Variants in MAGEA8 observed in about 807,000 individuals in gnomAD.
MAGEA8 encodes the protein MAGE family member A8, also known as melanoma-associated antigen 8.
For missense variants in MAGEA8, 229 were observed against 251.1 expected, an observed-to-expected ratio of 0.91 and a Z score of 0.59; for synonymous variants, 104 against 102.6, an observed-to-expected ratio of 1.01 and a Z score of -0.08.
At chrX:149,882,308 G>A (rs782022180) in intron 1 of MAGEA8, among the ~76,000 whole-genome samples, 6 of 111,483 alleles carry the variant, frequency 5.4e-5, no homozygotes, top group East Asian at 2.8e-4. Context: ...ATGCCTTGTC[G>A]TGGAGTAAAT....
Position 149,884,064 on chromosome X carries a change from C to T in MAGEA8, c.-125-9C>T, listed in dbSNP as rs1420194682. 2.5e-6 allele frequency: 1 copy of T among 396,917 alleles called. No individual in the cohort carries two copies. Among genetic ancestry groups the T allele is most frequent in the African/African-American group, 2.5e-5 (1 of 40,259 alleles). 32.7% of individuals were successfully genotyped at this position (396,917 alleles called of 1,213,427 possible). On this transcript the variant is annotated splice_polypyrimidine_tract_variant and intron_variant, in intron 1 of 2. Coordinates refer to ENST00000286482, the MANE Select transcript of MAGEA8 (RefSeq NM_005364.5). ...GCACCCTGAGATGCCCTCTCAATTT[C>T]TCCTTCAGGTTCGCAGAGAACAGGC...
rs890927461 is a variant in MAGEA8 at position 149,884,727 on chromosome X, A to G, written c.455A>G (p.Asp152Gly). Reference sequence around the variant, plus strand: ...AAAAATTACAAGAACCACTTTCCTGATATCTTCAGCAAAGCCTCTGAGTGC... The same window carrying G: ...AAAAATTACAAGAACCACTTTCCTGGTATCTTCAGCAAAGCCTCTGAGTGC... ...VIKNYKNHFP[D>G]IFSKASECMQ... The change falls in exon 3 of 3, where the codon GAT (aspartate) becomes GGT (glycine). Residue 152 changes from aspartate (D) to glycine (G), a missense_variant. Physicochemically the swap from Asp to Gly is moderately conservative, Grantham distance 94. Coordinates refer to ENST00000286482, the MANE Select transcript of MAGEA8 (RefSeq NM_005364.5). 2 of 1,211,570 alleles carry G rather than the reference A, an allele frequency of 1.7e-6. No homozygotes were observed. The highest frequency in any genetic ancestry group is 2.2e-6 in the Non-Finnish European group (2 of 895,235).
chrX:149,882,127 G>C (rs1465844007), intron 1 of MAGEA8, among the ~76,000 whole-genome samples: 1 of 110,586 alleles, frequency 9.0e-6, no homozygotes. Context: ...GGAGGACTCA[G>C]CAGACCTCCC....
In MAGEA8 at chrX:149,885,035, CAGG is replaced by C; in HGVS notation, c.766_768del (p.Glu256del). 1 of 1,209,684 alleles carries C rather than the reference CAGG, an allele frequency of 8.3e-7. No homozygotes were observed. Among genetic ancestry groups the C allele is most frequent in the African/African-American group, 1.7e-5 (1 of 57,861 alleles). Reference sequence around the variant, plus strand: ...GAAGCTGCTCACCCAAGAGTGGGTGCAGGAGAACTACCTGGAGTACCGCCAGGC... The same window carrying C: ...GAAGCTGCTCACCCAAGAGTGGGTGCAGAACTACCTGGAGTACCGCCAGGC... On this transcript the variant is annotated inframe_deletion, in exon 3 of 3. Coordinates refer to ENST00000286482, the MANE Select transcript of MAGEA8 (RefSeq NM_005364.5).
chrX:149,884,990 A>G lies in MAGEA8; in HGVS notation c.718A>G (p.Ser240Gly). The change falls in exon 3 of 3, where the codon AGT (serine) becomes GGT (glycine). Residue 240 changes from serine to glycine, a missense_variant. Ser to Gly is a moderately conservative substitution (Grantham distance 56). Transcript: ENST00000286482. ...GGGGCTGTATGATGGGAGGGAGCACAGTGTCTATTGGAAGCTCAGGAAGCT... is the reference window on the plus strand; with the variant it reads ...GGGGCTGTATGATGGGAGGGAGCACGGTGTCTATTGGAAGCTCAGGAAGCT... ...VMGLYDGREHSVYWKLRKLLT... is the reference protein window; with the variant it reads ...VMGLYDGREHGVYWKLRKLLT... The G allele has an allele frequency of 8.3e-7, 1 of 1,208,929 alleles. No individual in the cohort carries two copies. The highest frequency in any genetic ancestry group is 2.3e-4 in the Middle Eastern group (1 of 4,339).
rs2090758277 is a variant in MAGEA8, at chrX:149,885,650, G to T, written c.*421G>T. 4.1e-6 allele frequency: 1 copy of T among 246,461 alleles called. No homozygotes were observed. The highest frequency in any genetic ancestry group is 2.6e-4 in the South Asian group (1 of 3,791). 20.3% of individuals were successfully genotyped at this position (246,461 alleles called of 1,213,427 possible). A position where few individuals can be genotyped will look rare whatever the true frequency, so the allele number is the denominator to read the frequency against. On this transcript the variant is annotated 3_prime_UTR_variant, in exon 3 of 3. Coordinates refer to ENST00000286482, the MANE Select transcript of MAGEA8 (RefSeq NM_005364.5). ...GAATTCAGACACTACAAGAGCAGAG[G>T]ATTAAGGTTTTTTTAGAAATGTGAA... is the stretch of plus-strand genomic sequence containing the variant.
At chrX:149,881,906 G>A (rs1351684536) in intron 1 of MAGEA8, among the ~76,000 whole-genome samples, 1 of 110,070 alleles carries the variant, frequency 9.1e-6, no homozygotes, top group Non-Finnish European at 1.9e-5. Context: ...GTGGTGAACA[G>A]CCCTGCCAGG....
chrX:149,882,981 G>A (rs2090739690), intron 1 of MAGEA8: 1 of 111,588 alleles, frequency 9.0e-6, no homozygotes, highest in Non-Finnish European at 1.9e-5. Context: ...ACCCCCATGT[G>A]GGCAACAGAC....
At position 149,882,018 on chromosome X, in the gene MAGEA8, C is replaced by T. The variant is rs782537104; in HGVS notation, c.-126+733C>T. Among the ~76,000 whole-genome samples, 8 of 111,013 alleles carry T rather than the reference C, an allele frequency of 7.2e-5. No individual in the cohort carries two copies. In the South Asian group the frequency reaches 1.9e-3, roughly 27 times the overall value. On this transcript the variant is annotated intron_variant, in intron 1 of 2. Transcript: ENST00000286482. Reference sequence around the variant, plus strand: ...TCCCAGGATCTGTGGCTGCATGTGGCGCATCCTTGCTGCATTTTCAGGGTG... The same window carrying T: ...TCCCAGGATCTGTGGCTGCATGTGGTGCATCCTTGCTGCATTTTCAGGGTG...
chrX:149,882,212 C>A (rs1293545376), intron 1 of MAGEA8, among the ~76,000 whole-genome samples: 3 of 110,689 alleles, frequency 2.7e-5, no homozygotes, highest in African/African-American at 9.9e-5. Context: ...GGGATGTGGC[C>A]CCCCCACTTT....
At position 149,883,504 on chromosome X, in the gene MAGEA8, G is replaced by T. The variant is rs370918106; in HGVS notation, c.-125-569G>T. Reference sequence around the variant, plus strand: ...TTCTCACCCTAGGACAGGACACGTGGGCCCCATTGCATTTTGTGTAGCTAT... The same window carrying T: ...TTCTCACCCTAGGACAGGACACGTGTGCCCCATTGCATTTTGTGTAGCTAT... On this transcript the variant is annotated intron_variant, in intron 1 of 2. Transcript: ENST00000286482. Among the ~76,000 whole-genome samples, 164 of 112,076 alleles carry T rather than the reference G, an allele frequency of 1.5e-3. 1 individual carries two copies. Among genetic ancestry groups the T allele is most frequent in the African/African-American group, 5.0e-3 (153 of 30,901 alleles).
intron 1 of MAGEA8, among the ~76,000 whole-genome samples, chrX:149,882,312 A>G (rs2090736207): frequency 9.0e-6 from 1 of 111,461 alleles, no homozygotes; most frequent in Non-Finnish European, 1.9e-5. Context: ...CTTGTCGTGG[A>G]GTAAATATGA....
rs782174025 is a variant in MAGEA8, at chrX:149,882,346, A to G, written c.-126+1061A>G. Among the ~76,000 whole-genome samples, 15 of 111,639 alleles carry G rather than the reference A, an allele frequency of 1.3e-4. No homozygotes were observed. The South Asian group carries it at 5.3e-3, about 40-fold the overall frequency. On this transcript the variant is annotated intron_variant, in intron 1 of 2. Transcript: ENST00000286482. ...GAATACCTGGATGACACCCAGACAG[A>G]GAAAGACCCCATGAAACCTACTACT... is the stretch of plus-strand genomic sequence containing the variant.
At position 149,884,893 on chromosome X, in the gene MAGEA8, C is replaced by T. The variant is rs2090753099; in HGVS notation, c.621C>T (p.Ile207=). The part of the protein sequence containing the change: ...QSTPKTGLLI[I]VLGMILMEGS... ...CGCCCAAGACCGGCCTCCTGATAAT[C>T]GTCCTGGGCATGATCTTAATGGAGG... Residue 207 remains isoleucine, a synonymous_variant, in exon 3 of 3, where the codon ATC becomes ATT. Transcript: ENST00000286482. The T allele has an allele frequency of 1.7e-6, 2 of 1,209,094 alleles. No homozygotes were observed. The highest frequency in any genetic ancestry group is 3.5e-5 in the African/African-American group (2 of 56,967).
chrX:149,883,968 A>C, intron 1 of MAGEA8, 105 bp from the exon 2 acceptor site: 1 of 277,353 alleles, frequency 3.6e-6, no homozygotes, highest in African/African-American at 2.7e-5. Context: ...TCAGAACAGC[A>C]GGAACCCCAC....
At chrX:149,883,901 T>C in intron 1 of MAGEA8, 172 bp from the exon 2 acceptor site, 1 of 157,577 alleles carries the variant, frequency 6.3e-6, no homozygotes, top group Non-Finnish European at 1.2e-5. Flanking sequence ...CAGGCAGTAG[T>C]AGCAGTCAAG....
chrX:149,884,858 G>C lies in MAGEA8; in HGVS notation c.586G>C (p.Asp196His). 2 of 1,211,348 alleles carry C rather than the reference G, an allele frequency of 1.7e-6. No individual in the cohort carries two copies. The highest frequency in any genetic ancestry group is 2.2e-6 in the Non-Finnish European group (2 of 895,207). The change falls in exon 3 of 3, where the codon GAT (aspartate) becomes CAT (histidine). Residue 196 changes from aspartate (D) to histidine (H), a missense_variant. Transcript: ENST00000286482. The part of the protein sequence containing the change: ...GLSYDGLLGD[D>H]QSTPKTGLLI... The stretch of plus-strand genomic sequence containing the variant: ...CTCCTATGATGGCCTGCTGGGTGAT[G>C]ATCAGAGTACGCCCAAGACCGGCCT...
In MAGEA8 at chrX:149,884,270, A is replaced by G. The variant is rs375634850; in HGVS notation, c.-3A>G. The G allele has an allele frequency of 1.7e-5, 20 of 1,183,457 alleles. No individual in the cohort carries two copies. Among genetic ancestry groups the G allele is most frequent in the African/African-American group, 1.1e-4 (6 of 56,933 alleles). ...CTCTCCTGCTGCCCTGACCTGAGTC[A>G]TCATGCTTCTTGGGCAGAAGAGTCA... On this transcript the variant is annotated 5_prime_UTR_variant, in exon 3 of 3. Coordinates refer to ENST00000286482, the MANE Select transcript of MAGEA8 (RefSeq NM_005364.5).
chrX:149,881,212 G>A lies in MAGEA8; in HGVS notation c.-199G>A. 8.9e-6 allele frequency: 1 copy of A among 111,769 alleles called. No homozygotes were observed. Among genetic ancestry groups the A allele is most frequent in the Non-Finnish European group, 1.9e-5 (1 of 53,018 alleles). 9.2% of individuals were successfully genotyped at this position (111,769 alleles called of 1,213,427 possible). ...ACGTGGCCGCGGGGATCAGAGAGAAGCGAGGGCCTGGTTCTGAGGGGTCGG... is the reference window on the plus strand; with the variant it reads ...ACGTGGCCGCGGGGATCAGAGAGAAACGAGGGCCTGGTTCTGAGGGGTCGG... On this transcript the variant is annotated 5_prime_UTR_variant, in exon 1 of 3. Transcript: ENST00000286482.
Sources: allele counts gnomAD v4.1 joint callset (sites outside exome capture counted in the v4.1 genomes callset), GRCh38; gene constraint gnomAD v4.1.1; transcripts MANE v1.5; gene names NCBI Gene and HGNC (gene_info 2026-07-23, HGNC 2026-07-21).